The following KCNC4 variants were observed in gnomAD, a reference collection of about 807,000 sequenced individuals.
KCNC4 encodes the protein voltage-gated potassium channel KCNC4.
In KCNC4, 23 loss-of-function variants were observed where a neutral mutation model predicts 42.8. The observed-to-expected ratio is 0.54, with a 90% CI of 0.39 to 0.76. The LOEUF (loss-of-function observed/expected upper bound fraction) is 0.76, where lower values mean the gene tolerates loss of function less well. Among genes scored for constraint, KCNC4 ranks in the 30% least tolerant of loss-of-function variants. KCNC4 has a pLI of 0.00. For synonymous variants in KCNC4, 422 were observed against 393.5 expected, an observed-to-expected ratio of 1.07 and a Z score of -0.86; for missense variants, 751 against 898.2, an observed-to-expected ratio of 0.84 and a Z score of 2.10.
intron 2 of KCNC4, chr1:110,225,657 G>A (rs1195043340): frequency 9.7e-6 from 3 of 309,672 alleles, no homozygotes; most frequent in Non-Finnish European, 1.8e-5. Flanking sequence ...TCTGCGGACT[G>A]CTTTGGGCTG....
chr1:110,213,179 A>AAAAAG (rs1657594425), intron 1 of KCNC4, among the ~76,000 whole-genome samples: 1 of 150,266 alleles, frequency 6.7e-6, no homozygotes, highest in Admixed American at 6.6e-5. Flanking sequence ...CTAAAAAAAA[A>AAAAAG]AAAAAAAAAA....
intron 1 of KCNC4, among the ~76,000 whole-genome samples, chr1:110,214,415 G>A (rs74115586): frequency 1.2e-3 from 188 of 152,240 alleles, no homozygotes; most frequent in African/African-American, 4.4e-3. Context: ...CAGGAGCCCA[G>A]GCAAAGGCAA....
intron 1 of KCNC4, 84 bp from the exon 2 acceptor site, chr1:110,222,880 C>A: frequency 1.0e-6 from 1 of 1,000,334 alleles, no homozygotes; most frequent in Non-Finnish European, 1.5e-6. Context: ...TTCCTGGTAA[C>A]CTTCATGCAG....
rs1347867945 is a variant in KCNC4, at chr1:110,211,510, C to A, written c.11C>A (p.Ser4Ter). 6.2e-7 allele frequency: 1 copy of A among 1,613,582 alleles called. No individual in the cohort carries two copies. The highest frequency in any genetic ancestry group is 8.5e-7 in the Non-Finnish European group (1 of 1,179,776). Residue 4 changes from serine to a stop codon, truncating the protein, a stop_gained, in exon 1 of 4, where the codon TCG becomes TAG. Transcript: ENST00000438661. LOFTEE classifies it high-confidence loss of function. This position sits in a 1 kb window ranked among gnomAD's most constrained non-coding sequence, Gnocchi z 6.5. The part of the protein sequence containing the change: MIS[S>*]VCVSSYRGRK... ...CCCGCAGCGCTTCTTATGATCAGCT[C>A]GGTGTGTGTCTCCTCCTACCGCGGG...
intron 1 of KCNC4, among the ~76,000 whole-genome samples, chr1:110,259,969 A>G (rs558468093): frequency 4.6e-5 from 7 of 152,312 alleles, no homozygotes; most frequent in African/African-American, 1.7e-4. Context: ...CCTCTTAGGT[A>G]AGACCTGGCC....
At chr1:110,212,632 C>T (rs927595345) in intron 1 of KCNC4, among the ~76,000 whole-genome samples, 1 of 152,138 alleles carries the variant, frequency 6.6e-6, no homozygotes, top group African/African-American at 2.4e-5. Flanking sequence ...GCTTCCATGC[C>T]GTGCCACCTC....
chr1:110,254,102 G>T (rs949442101), downstream of KCNC4, among the ~76,000 whole-genome samples: 13 of 61,868 alleles, frequency 2.1e-4, no homozygotes, highest in South Asian at 4.8e-4. Context: ...GGGGGGGGGC[G>T]GCGTTTCTGT....
downstream of KCNC4, chr1:110,235,434 C>G (rs1226397864): frequency 6.6e-6 from 1 of 152,230 alleles, no homozygotes; most frequent in Non-Finnish European, 1.5e-5. Flanking sequence ...AATGATATTA[C>G]GCATCAGGGC....
chr1:110,273,740 A>C (rs1659673165), intron 1 of KCNC4, among the ~76,000 whole-genome samples: 2 of 152,224 alleles, frequency 1.3e-5, no homozygotes, highest in Admixed American at 1.3e-4. Context: ...GATATGGGTG[A>C]GTGGTGTCTG....
chr1:110,277,906 C>A (rs970825330), intron 1 of KCNC4, among the ~76,000 whole-genome samples: 1 of 152,156 alleles, frequency 6.6e-6, no homozygotes, highest in African/African-American at 2.4e-5. Flanking sequence ...AATCCCAGCA[C>A]CTTGGGAAAC....
chr1:110,218,206 C>G (rs137971736), intron 1 of KCNC4, among the ~76,000 whole-genome samples: 120 of 152,276 alleles, frequency 7.9e-4, no homozygotes, highest in African/African-American at 2.8e-3. Context: ...GTGCCAGATT[C>G]CTGGAATGCT....
At chr1:110,256,138 A>G (rs1223899327) in intron 1 of KCNC4, among the ~76,000 whole-genome samples, 1 of 152,190 alleles carries the variant, frequency 6.6e-6, no homozygotes, top group Non-Finnish European at 1.5e-5. Context: ...TCTTGCTATC[A>G]TCTGGGGAAG....
rs543235618 is a variant in KCNC4, at chr1:110,218,136, C to T, written c.679-4828C>T. On this transcript the variant is annotated intron_variant, in intron 1 of 3. Transcript: ENST00000438661. ...TTCCTGGGCTCTCCTCCCCTGCCCC[C>T]GCTGATTGTATGCAGTTCCCAATGA... Among the ~76,000 whole-genome samples, 7 of 152,310 alleles carry T rather than the reference C, an allele frequency of 4.6e-5. No homozygotes were observed. The South Asian group carries it at 1.0e-3, about 23-fold the overall frequency.
intron 1 of KCNC4, among the ~76,000 whole-genome samples, chr1:110,268,522 C>T (rs951497916): frequency 5.6e-5 from 8 of 143,028 alleles, no homozygotes; most frequent in African/African-American, 2.1e-4. Flanking sequence ...GGGAGAATGG[C>T]GTGAACCCGG....
At chr1:110,282,317 G>A (rs1323292406) in intron 1 of KCNC4, among the ~76,000 whole-genome samples, 1 of 152,214 alleles carries the variant, frequency 6.6e-6, no homozygotes, top group Non-Finnish European at 1.5e-5. Flanking sequence ...ACAGCCTCCA[G>A]TGTTTACAAA....
intron 1 of KCNC4, among the ~76,000 whole-genome samples, chr1:110,280,159 G>A (rs1397800503): frequency 6.6e-6 from 1 of 152,088 alleles, no homozygotes; most frequent in Admixed American, 6.5e-5. Flanking sequence ...GATCACAATA[G>A]GTTGGTTCTC....
At chr1:110,216,442 T>A (rs2603592) in intron 1 of KCNC4, among the ~76,000 whole-genome samples, 88,819 of 152,048 alleles carry the variant, frequency 0.58, 27,272 homozygotes, top group African/African-American at 0.78. Flanking sequence ...CCGCAGGGCA[T>A]CCTCCCAGTT....
At chr1:110,234,628 C>G (rs1476098163), downstream of KCNC4, 2 of 152,178 alleles carry the variant, frequency 1.3e-5, no homozygotes, top group East Asian at 3.9e-4. Flanking sequence ...ACACGCAGGG[C>G]CAGCTTCATG....
intron 3 of KCNC4, chr1:110,226,454 C>G (rs1658401181): frequency 4.1e-6 from 2 of 492,982 alleles, no homozygotes; most frequent in South Asian, 4.3e-5. Flanking sequence ...GGGTCCCTGC[C>G]CCGTGCTTCC....
Sources: gnomAD v4.1 joint callset for allele counts (sites outside exome capture counted in the v4.1 genomes callset) on GRCh38, gnomAD v4.1.1 for gene constraint, Gnocchi (gnomAD v3.1) non-coding constraint, MANE v1.5 for transcripts, NCBI Gene and HGNC (gene_info 2026-07-23, HGNC 2026-07-21) for gene names.